Variants in OCIAD1 observed in about 807,000 individuals in gnomAD.
OCIAD1 encodes the protein OCIA domain-containing protein 1.
A neutral mutation model predicts 38.9 loss-of-function variants in OCIAD1; 29 were observed. The ratio of observed to expected loss-of-function variants is 0.74; its 90% CI spans 0.55 to 1.02. The LOEUF (loss-of-function observed/expected upper bound fraction) is 1.02. Among genes scored for constraint, OCIAD1 ranks in the 50% least tolerant of loss-of-function variants. The pLI is 0.00. For synonymous variants in OCIAD1, 110 were observed against 92.0 expected, an observed-to-expected ratio of 1.20 and a Z score of -1.12; for missense variants, 288 against 289.6, an observed-to-expected ratio of 0.99 and a Z score of 0.04.
intron 6 of OCIAD1, 143 bp from the exon 7 acceptor site, chr4:48,851,662 CA>C (rs1779480617): frequency 2.3e-6 from 1 of 442,912 alleles, no homozygotes; most frequent in Non-Finnish European, 3.9e-6. Context: ...GGTGACAGAG[CA>C]AGACCCTGTC....
chr4:48,812,282 CAAAAAAAAAAAAAAAAAAA>C (rs397881494), intron 1 of OCIAD1, among the ~76,000 whole-genome samples: 1 of 25,076 alleles, frequency 4.0e-5, no homozygotes, highest in African/African-American at 2.0e-4. Flanking sequence ...GAGTTGGTCT[CAAAAAAAAAAAAAAAAAAA>C]AAAAAAAAAA....
Position 48,833,462 on chromosome 4 carries a change from T to G in OCIAD1, c.120T>G (p.Asp40Glu). The G allele has an allele frequency of 6.2e-7, 1 of 1,600,552 alleles. No homozygotes were observed. The highest frequency in any genetic ancestry group is 8.6e-7 in the Non-Finnish European group (1 of 1,168,426). ...GGAGAGTCTTCGCAGAATGCAATGA[T>G]GAAAGCTTCTGGTTCAGATGTGAGT... ...EERRVFAECN[D>E]ESFWFRSVPL... The change falls in exon 3 of 9, where the codon GAT becomes GAG. Residue 40 changes from aspartate (D) to glutamate (E), a missense_variant. Transcript: ENST00000264312.
At chr4:48,850,786 G>C (rs191735245) in intron 6 of OCIAD1, among the ~76,000 whole-genome samples, 2 of 152,090 alleles carry the variant, frequency 1.3e-5, no homozygotes, top group African/African-American at 4.8e-5. Flanking sequence ...TGTTTACCAG[G>C]CTGGTCTCAA....
chr4:48,810,894 C>CTT (rs869120091), intron 1 of OCIAD1, among the ~76,000 whole-genome samples: 40 of 64,230 alleles, frequency 6.2e-4, no homozygotes, highest in South Asian at 1.2e-3. Context: ...TTCTTTCTTT[C>CTT]TTTTTTTTTT....
chr4:48,816,221 TTTTAATA>T (rs1777140814), intron 1 of OCIAD1, among the ~76,000 whole-genome samples: 1 of 152,238 alleles, frequency 6.6e-6, no homozygotes, highest in African/African-American at 2.4e-5. Flanking sequence ...GTCCCAATCT[TTTTAATA>T]TCATGGCACA....
chr4:48,842,214 G>A (rs1778597815), intron 3 of OCIAD1, among the ~76,000 whole-genome samples: 1 of 152,152 alleles, frequency 6.6e-6, no homozygotes, highest in Non-Finnish European at 1.5e-5. Context: ...CACATAAGGC[G>A]CTTAGCATGA....
chr4:48,829,301 C>T (rs1321569826), upstream of OCIAD1, among the ~76,000 whole-genome samples: 12 of 151,558 alleles, frequency 7.9e-5, no homozygotes, highest in Non-Finnish European at 1.6e-4. Context: ...ACATAAAGCT[C>T]ACCACCTAGA....
At chr4:48,858,333 G>A (rs891786796) in intron 8 of OCIAD1, among the ~76,000 whole-genome samples, 5 of 152,148 alleles carry the variant, frequency 3.3e-5, no homozygotes, top group Admixed American at 2.0e-4. Flanking sequence ...CGCATAAGTT[G>A]CTGTAGTGAC....
chr4:48,852,848 A>C (rs1360090139), intron 7 of OCIAD1, among the ~76,000 whole-genome samples: 1 of 151,218 alleles, frequency 6.6e-6, no homozygotes, highest in Non-Finnish European at 1.5e-5. Flanking sequence ...CCTGAAATTC[A>C]AAAAGGTTTA....
At chr4:48,811,320 A>G (rs773640428) in intron 1 of OCIAD1, among the ~76,000 whole-genome samples, 4 of 152,076 alleles carry the variant, frequency 2.6e-5, no homozygotes, top group Non-Finnish European at 4.4e-5. Context: ...TCAGATAGCC[A>G]CTCCTTTGCT....
chr4:48,850,739 A>G (rs1779376376), intron 6 of OCIAD1, among the ~76,000 whole-genome samples: 1 of 151,978 alleles, frequency 6.6e-6, no homozygotes, highest in African/African-American at 2.4e-5. Flanking sequence ...ACGCCTAGCT[A>G]ATTTTTTGTA....
intron 4 of OCIAD1, 98 bp downstream of exon 4, chr4:48,842,787 T>A: frequency 1.5e-6 from 1 of 659,854 alleles, no homozygotes; most frequent in South Asian, 2.0e-5. Context: ...TAACAATGTA[T>A]CATATTAAAC....
chr4:48,812,417 G>A (rs1022047733), intron 1 of OCIAD1, among the ~76,000 whole-genome samples: 1 of 150,700 alleles, frequency 6.6e-6, no homozygotes, highest in Admixed American at 6.6e-5. Flanking sequence ...TCCAAGGCCT[G>A]TCTGAGTCAA....
At chr4:48,817,236 C>T (rs1294555948) in intron 1 of OCIAD1, among the ~76,000 whole-genome samples, 1 of 152,198 alleles carries the variant, frequency 6.6e-6, no homozygotes, top group Non-Finnish European at 1.5e-5. Context: ...GACTGTGCTA[C>T]CCAGCTGGGT....
chr4:48,852,875 G>GTTTTTTTTTTTTTTT (rs770694566), intron 7 of OCIAD1, among the ~76,000 whole-genome samples: 5 of 69,128 alleles, frequency 7.2e-5, no homozygotes, highest in African/African-American at 2.8e-4. Context: ...GTTTTTTTTT[G>GTTTTTTTTTTTTTTT]TTTTTTGTTT....
intron 1 of OCIAD1, among the ~76,000 whole-genome samples, chr4:48,811,672 A>G (rs1777089584): frequency 6.6e-6 from 1 of 152,142 alleles, no homozygotes; most frequent in Non-Finnish European, 1.5e-5. Flanking sequence ...AACAATAATA[A>G]TGAGAAGGGA....
At chr4:48,828,055 A>G (rs1051432749), upstream of OCIAD1, among the ~76,000 whole-genome samples, 19 of 152,114 alleles carry the variant, frequency 1.2e-4, no homozygotes, top group African/African-American at 4.6e-4. Context: ...AAAGGTTTGT[A>G]AATGCACCAA....
intron 1 of OCIAD1, among the ~76,000 whole-genome samples, chr4:48,823,646 T>C (rs534610365): frequency 6.6e-6 from 1 of 152,088 alleles, no homozygotes; most frequent in South Asian, 2.1e-4. Context: ...TCTCTTTGAA[T>C]TTACTTTTAT....
At chr4:48,836,251 C>T (rs1273487183) in intron 3 of OCIAD1, among the ~76,000 whole-genome samples, 4 of 151,772 alleles carry the variant, frequency 2.6e-5, no homozygotes, top group African/African-American at 9.7e-5. Flanking sequence ...GATGAGCTGG[C>T]AACGAAAGAC....
Sources: gnomAD v4.1 joint callset for allele counts (sites outside exome capture counted in the v4.1 genomes callset) on GRCh38, gnomAD v4.1.1 for gene constraint, MANE v1.5 for transcripts, NCBI Gene and HGNC (gene_info 2026-07-23, HGNC 2026-07-21) for gene names.